PAX7: variants seen among roughly 807,000 people sequenced by gnomAD.
PAX7 encodes paired box 7, also known as paired box protein Pax-7.
A neutral mutation model predicts 50.7 loss-of-function variants in PAX7; 18 were observed. That is an observed-to-expected ratio of 0.36 (90% CI 0.25 to 0.53). PAX7 has a LOEUF of 0.53. PAX7 is among the 20% of genes least tolerant of loss of function. The pLI, the probability that PAX7 is intolerant of heterozygous loss-of-function variation, is 0.93. For synonymous variants in PAX7, 310 were observed against 290.4 expected (o/e 1.07, Z -0.69); for missense variants, 644 against 702.9 (o/e 0.92, Z 0.95).
intron 6 of PAX7, among the ~76,000 whole-genome samples, chr1:18,701,423 A>T (rs550926048): frequency 1.3e-5 from 2 of 151,088 alleles, no homozygotes; most frequent in African/African-American, 4.9e-5. Flanking sequence ...TGAGTGAGTG[A>T]ATGAGTGTGT....
chr1:18,732,538 G>T (rs568751498), intron 7 of PAX7, among the ~76,000 whole-genome samples: 6 of 152,324 alleles, frequency 3.9e-5, no homozygotes, highest in African/African-American at 1.4e-4. Context: ...GGACGAATAC[G>T]TGAATGAATG....
chr1:18,702,897 C>G (rs903844644), intron 6 of PAX7, among the ~76,000 whole-genome samples, 197 bp from the exon 7 acceptor site: 3 of 152,180 alleles, frequency 2.0e-5, no homozygotes, highest in Non-Finnish European at 2.9e-5. Context: ...GTTGGGTTGT[C>G]AGTCAAGACC....
At position 18,735,771 on chromosome 1, in the gene PAX7, C is replaced by T. The variant is rs2089704195; in HGVS notation, c.1295C>T (p.Pro432Leu). The T allele has an allele frequency of 2.5e-6, 4 of 1,614,040 alleles. No homozygotes were observed. Among genetic ancestry groups the T allele is most frequent in the Non-Finnish European group, 3.4e-6 (4 of 1,180,034 alleles). The change falls in exon 8 of 9, where the codon CCA (proline) becomes CTA (leucine). Residue 432 changes from proline to leucine, a missense_variant. Transcript: ENST00000420770. The surrounding 1 kb of genome is among the most constrained non-coding windows in gnomAD (Gnocchi z 4.0). ...SCSQRADSIK[P>L]GDSLPTSQAY... The stretch of plus-strand genomic sequence containing the variant: ...AGCCAGCGGGCCGACTCCATCAAGC[C>T]AGGAGACAGCCTGCCCACCTCCCAG...
intron 7 of PAX7, among the ~76,000 whole-genome samples, chr1:18,718,142 G>A (rs113886380): frequency 0.017 from 2,588 of 152,312 alleles, 73 homozygotes; most frequent in African/African-American, 0.057. Context: ...AGGAGAGCCA[G>A]CATGTTTGGG....
intron 4 of PAX7, among the ~76,000 whole-genome samples, chr1:18,672,447 C>T (rs1570151405): frequency 6.6e-6 from 1 of 152,140 alleles, no homozygotes; most frequent in Non-Finnish European, 1.5e-5. Flanking sequence ...CATGCACCCA[C>T]CCAGCAGAAC....
intron 8 of PAX7, among the ~76,000 whole-genome samples, chr1:18,738,381 C>T (rs1254005134): frequency 6.6e-6 from 1 of 152,168 alleles, no homozygotes; most frequent in Admixed American, 6.5e-5. Context: ...CGGTGCCCTG[C>T]TCCAGGGGCG....
At chr1:18,688,255 A>G (rs1314096331) in intron 4 of PAX7, among the ~76,000 whole-genome samples, 2 of 152,248 alleles carry the variant, frequency 1.3e-5, no homozygotes, top group Non-Finnish European at 2.9e-5. Context: ...CATAAATAGC[A>G]TAAAAACAAG....
intron 7 of PAX7, among the ~76,000 whole-genome samples, chr1:18,730,935 G>C (rs2089638697): frequency 6.6e-6 from 1 of 152,002 alleles, no homozygotes; most frequent in Admixed American, 6.5e-5. Context: ...TGGCGGGTGG[G>C]GGGAAATGGA....
In PAX7 at chr1:18,686,655, G is replaced by A. The variant is rs2841093; in HGVS notation, c.587-5099G>A. Among the ~76,000 whole-genome samples, 886 of 152,206 alleles carry A rather than the reference G, an allele frequency of 5.8e-3. 8 individuals are homozygous for A. Among genetic ancestry groups the A allele is most frequent in the African/African-American group, 0.019 (788 of 41,522 alleles). On this transcript the variant is annotated intron_variant, in intron 4 of 8. Transcript: ENST00000420770. ...ACTCTGAGGCTAAAGGATTTCCAGG[G>A]GTGGGGAGAGAGAAGGGCACCCCAA...
chr1:18,642,375 C>G (rs1307771476), intron 4 of PAX7, among the ~76,000 whole-genome samples: 2 of 152,100 alleles, frequency 1.3e-5, no homozygotes, highest in African/African-American at 4.8e-5. Flanking sequence ...AGAACTCACA[C>G]CCCTGAAAAG....
chr1:18,666,027 G>A (rs2088664175), intron 4 of PAX7, among the ~76,000 whole-genome samples: 1 of 152,134 alleles, frequency 6.6e-6, no homozygotes, highest in Admixed American at 6.5e-5. Flanking sequence ...AAAAGAAAGA[G>A]GCTGGGCATT....
intron 4 of PAX7, among the ~76,000 whole-genome samples, chr1:18,650,914 A>T (rs1327617285): frequency 1.3e-5 from 2 of 152,140 alleles, no homozygotes; most frequent in Admixed American, 6.5e-5. Context: ...TGGCAGGGCA[A>T]GACCTCTGCT....
At chr1:18,635,078 T>C (rs1189621374) in intron 2 of PAX7, 33 bp from the exon 3 acceptor site, 1 of 1,610,652 alleles carries the variant, frequency 6.2e-7, no homozygotes, top group Admixed American at 1.7e-5. Context: ...ATCCCATCTT[T>C]CCACTCCTAC....
intron 4 of PAX7, among the ~76,000 whole-genome samples, chr1:18,659,418 C>T (rs2088569295): frequency 6.6e-6 from 1 of 152,174 alleles, no homozygotes; most frequent in South Asian, 2.1e-4. Context: ...TCCTCCCTCT[C>T]TCCCAATCCC....
intron 5 of PAX7, among the ~76,000 whole-genome samples, chr1:18,695,208 T>TAAAA (rs34926391): frequency 4.2e-5 from 6 of 143,332 alleles, no homozygotes; most frequent in Admixed American, 6.9e-5. Context: ...TGATTACATG[T>TAAAA]AAAAAAAAAA....
intron 4 of PAX7, among the ~76,000 whole-genome samples, chr1:18,646,809 C>T (rs1184734860): frequency 2.0e-5 from 3 of 151,736 alleles, no homozygotes; most frequent in African/African-American, 7.3e-5. Flanking sequence ...CCCGGCCTCC[C>T]GGCCCCTCAG....
Position 18,747,749 on chromosome 1 carries a change from A to G in PAX7, c.*2820A>G. On this transcript the variant is annotated 3_prime_UTR_variant, in exon 9 of 9. Coordinates refer to ENST00000420770, the MANE Select transcript of PAX7 (RefSeq NM_001135254.2). ...GGGCTCTCTTCTGAGTTCATTGTAC[A>G]ATAGTTGGAAACGTGGTGATGTGCT... The G allele has an allele frequency of 5.0e-6, 1 of 199,446 alleles. No homozygotes were observed. The highest frequency in any genetic ancestry group is 1.0e-5 in the Non-Finnish European group (1 of 96,546). 12.4% of individuals were successfully genotyped at this position (199,446 alleles called of 1,614,324 possible).
intron 6 of PAX7, 106 bp from the exon 7 acceptor site, chr1:18,702,988 G>A: frequency 9.6e-7 from 1 of 1,043,608 alleles, no homozygotes; most frequent in Non-Finnish European, 1.4e-6. Context: ...TCCCTCCAAG[G>A]AATGGAGACC....
chr1:18,660,943 G>A (rs1163196812), intron 4 of PAX7, among the ~76,000 whole-genome samples: 7 of 152,156 alleles, frequency 4.6e-5, no homozygotes, highest in South Asian at 2.1e-4. Flanking sequence ...TACTTTGCTC[G>A]TTAGGGTTTT....
Sources: allele counts gnomAD v4.1 joint callset (sites outside exome capture counted in the v4.1 genomes callset), GRCh38; gene constraint gnomAD v4.1.1; non-coding constraint Gnocchi (gnomAD v3.1); transcripts MANE v1.5; gene names NCBI Gene and HGNC (gene_info 2026-07-23, HGNC 2026-07-21).